The following GET1 variants were observed in gnomAD, a reference collection of about 807,000 sequenced individuals.
GET1 encodes the protein congenital heart disease 5 protein.
In GET1, 20 loss-of-function variants were observed where a neutral mutation model predicts 22.6. The ratio of observed to expected loss-of-function variants is 0.89; its 90% CI spans 0.62 to 1.29. The LOEUF is 1.29. Ranked by LOEUF, GET1 falls within the 50% of genes most tolerant of loss-of-function variation. The pLI is 0.00. For synonymous variants in GET1, 92 were observed against 83.8 expected (o/e 1.10, Z -0.53); for missense variants, 209 against 219.9 (o/e 0.95, Z 0.31).
downstream of GET1, among the ~76,000 whole-genome samples, chr21:39,407,609 T>A (rs2039308657): frequency 6.6e-6 from 1 of 152,198 alleles, no homozygotes; most frequent in African/African-American, 2.4e-5. Flanking sequence ...TCCAGGCAGT[T>A]ATTATAGACA....
rs572774636 is a variant in GET1 at position 39,423,407 on chromosome 21, T to C, written c.*24-4825T>C. The C allele has an allele frequency of 6.2e-6, 10 of 1,605,486 alleles. No homozygotes were observed. In the South Asian group the frequency reaches 1.0e-4, roughly 16 times the overall value. On this transcript the variant is annotated intron_variant, in intron 1 of 1. Transcript: ENST00000478273. ...AGTATTCGATGAGCCATAGCATCTC[T>C]TCTTTGGGCAATCATATGGATTTGA...
chr21:39,384,255 T>C (rs1569030147), intron 1 of GET1, among the ~76,000 whole-genome samples: 1 of 151,736 alleles, frequency 6.6e-6, no homozygotes, highest in Non-Finnish European at 1.5e-5. Flanking sequence ...TTGTTATTAT[T>C]ATTATTATTA....
intron 3 of GET1, chr21:39,392,081 G>GA: frequency 2.1e-6 from 1 of 483,704 alleles, no homozygotes; most frequent in Non-Finnish European, 3.7e-6. Flanking sequence ...GTAAGTTCTC[G>GA]GAGAGCTTTC....
downstream of GET1, chr21:39,411,093 G>C (rs985337931): frequency 2.3e-5 from 8 of 346,858 alleles, no homozygotes; most frequent in Admixed American, 2.0e-4. Flanking sequence ...AAAACACTAT[G>C]CTGAACAAAA....
chr21:39,396,493 A>G (rs1254099848), intron 4 of GET1, among the ~76,000 whole-genome samples: 1 of 151,230 alleles, frequency 6.6e-6, no homozygotes, highest in South Asian at 2.1e-4. Context: ...GCGCCACTGT[A>G]CTCCCACCTG....
At chr21:39,403,784 G>T (rs148384105) in intron 4 of GET1, among the ~76,000 whole-genome samples, 1 of 150,572 alleles carries the variant, frequency 6.6e-6, no homozygotes, top group Admixed American at 6.6e-5. Flanking sequence ...ACCACGCATG[G>T]CTAATTTTTG....
intron 1 of GET1, chr21:39,423,475 G>T: frequency 6.4e-7 from 1 of 1,562,770 alleles, no homozygotes; most frequent in Non-Finnish European, 8.6e-7. Context: ...TTTTTCAACT[G>T]ATATTTCCTT....
rs1187987502 is a variant in GET1, at chr21:39,393,212, T to G, written c.383T>G (p.Val128Gly). 1 of 1,614,234 alleles carries G rather than the reference T, an allele frequency of 6.2e-7. No individual in the cohort carries two copies. Among genetic ancestry groups the G allele is most frequent in the Non-Finnish European group, 8.5e-7 (1 of 1,180,036 alleles). ...ATTTGGAAGTATTATTCTGTCCCTG[T>G]GGCTGTCGTGCCGAGTAAATGGATA... ...SLIWKYYSVP[V>G]AVVPSKWITP... The change falls in exon 4 of 5, where the codon GTG becomes GGG. Residue 128 changes from valine to glycine, a missense_variant. Transcript: ENST00000649170.
At chr21:39,403,369 C>G (rs1239573976) in intron 4 of GET1, among the ~76,000 whole-genome samples, 1 of 152,190 alleles carries the variant, frequency 6.6e-6, no homozygotes, top group East Asian at 1.9e-4. Context: ...CTCTGTTGCC[C>G]AGGCTGGAGT....
At chr21:39,393,509 A>G (rs748124791) in intron 4 of GET1, among the ~76,000 whole-genome samples, 16 of 152,206 alleles carry the variant, frequency 1.1e-4, no homozygotes, top group Non-Finnish European at 1.9e-4. Flanking sequence ...ATTCAGTCCT[A>G]GGTCTGTTTC....
chr21:39,390,901 C>T lies in GET1; in HGVS notation c.268+38C>T, dbSNP rs371114959. ...TTGCAGCCTGGAGGCTTCATGAGAG[C>T]GGATGAATAGAGAAGTCTGTATGTG... On this transcript the variant is annotated intron_variant, in intron 2 of 4. Coordinates refer to ENST00000649170, the MANE Select transcript of GET1 (RefSeq NM_004627.6). 99 of 1,607,922 alleles carry T rather than the reference C, an allele frequency of 6.2e-5. No homozygotes were observed. In the African/African-American group the frequency reaches 1.0e-3, roughly 17 times the overall value.
At position 39,390,766 on chromosome 21, in the gene GET1, G is replaced by A. The variant is rs2038249140; in HGVS notation, c.171G>A (p.Lys57=). 1 of 1,614,100 alleles carries A rather than the reference G, an allele frequency of 6.2e-7. No individual in the cohort carries two copies. Among genetic ancestry groups the A allele is most frequent in the Non-Finnish European group, 8.5e-7 (1 of 1,180,044 alleles). ...TGAGAGCGGAGATCCAGGACATGAA[G>A]CAGGAGCTCTCCACAGTCAACATGA... ...SQMRAEIQDM[K]QELSTVNMMD... is the part of the protein sequence containing the mutation. The change falls in exon 2 of 5, where the codon AAG becomes AAA. Residue 57 remains lysine (K), a synonymous_variant. Coordinates refer to ENST00000649170, the MANE Select transcript of GET1 (RefSeq NM_004627.6).
intron 1 of GET1, among the ~76,000 whole-genome samples, chr21:39,389,734 G>T (rs2038170631): frequency 6.6e-6 from 1 of 152,166 alleles, no homozygotes; most frequent in Non-Finnish European, 1.5e-5. Context: ...TTGCCAGGGT[G>T]CCATTCTGTG....
chr21:39,408,659 C>T (rs1389183783), downstream of GET1: 2 of 152,416 alleles, frequency 1.3e-5, no homozygotes, highest in Non-Finnish European at 2.9e-5. Flanking sequence ...TTGTTTCCAC[C>T]TACTCCCAAG....
chr21:39,419,129 C>T (rs1053402537), intron 1 of GET1, among the ~76,000 whole-genome samples: 2 of 152,112 alleles, frequency 1.3e-5, no homozygotes, highest in African/African-American at 4.8e-5. Flanking sequence ...TTATCCAACT[C>T]GTCCAGCTCC....
chr21:39,416,177 AAT>A (rs2041120533), intron 1 of GET1, among the ~76,000 whole-genome samples: 1 of 152,132 alleles, frequency 6.6e-6, no homozygotes, highest in African/African-American at 2.4e-5. Context: ...GGAAGGTAAA[AAT>A]GTTTGCTTCT....
chr21:39,389,113 T>C (rs1391889237), intron 1 of GET1, among the ~76,000 whole-genome samples: 1 of 152,008 alleles, frequency 6.6e-6, no homozygotes, highest in Non-Finnish European at 1.5e-5. Context: ...CCTTCCTTCC[T>C]TCACCAGGTT....
chr21:39,389,729 A>C (rs1030659521), intron 1 of GET1, among the ~76,000 whole-genome samples: 5 of 152,118 alleles, frequency 3.3e-5, no homozygotes, highest in African/African-American at 1.2e-4. Context: ...GCCTCTTGCC[A>C]GGGTGCCATT....
chr21:39,413,354 T>A (rs915776726), intron 1 of GET1, among the ~76,000 whole-genome samples: 1 of 152,212 alleles, frequency 6.6e-6, no homozygotes, highest in Non-Finnish European at 1.5e-5. Context: ...AAGACTGTTT[T>A]GAGTTAGAAG....
Sources: gnomAD v4.1 joint callset for allele counts (sites outside exome capture counted in the v4.1 genomes callset) on GRCh38, gnomAD v4.1.1 for gene constraint, MANE v1.5 for transcripts, NCBI Gene and HGNC (gene_info 2026-07-23, HGNC 2026-07-21) for gene names.